Variants in CKAP5 observed in about 807,000 individuals in gnomAD.
The protein encoded by CKAP5 is cytoskeleton-associated protein 5.
Under a neutral mutation model 232.8 loss-of-function variants are expected in CKAP5, and 27 were observed. The ratio of observed to expected loss-of-function variants is 0.12; its 90% CI spans 0.09 to 0.16. CKAP5 has a LOEUF of 0.16. CKAP5 is among the 10% of genes least tolerant of loss of function. The pLI, the probability that CKAP5 is intolerant of heterozygous loss-of-function variation, is 1.00. For missense variants in CKAP5, 1,838 were observed against 2,424.7 expected (o/e 0.76, Z 5.08); for synonymous variants, 785 against 841.1 (o/e 0.93, Z 1.16).
chr11:46,800,903 A>C (rs2048965601), intron 9 of CKAP5, among the ~76,000 whole-genome samples: 2 of 152,220 alleles, frequency 1.3e-5, no homozygotes, highest in South Asian at 4.1e-4. Flanking sequence ...ATAATGTTGT[A>C]AGAACAAAGC....
chr11:46,827,565 T>C (rs1160151468), intron 1 of CKAP5, among the ~76,000 whole-genome samples: 1 of 152,108 alleles, frequency 6.6e-6, no homozygotes, highest in Non-Finnish European at 1.5e-5. Flanking sequence ...TAGGCTGCAG[T>C]GAGCCAGACT....
At chr11:46,755,537 G>C (rs930512336) in intron 35 of CKAP5, among the ~76,000 whole-genome samples, 1 of 151,900 alleles carries the variant, frequency 6.6e-6, no homozygotes, top group Admixed American at 6.6e-5. Flanking sequence ...AGTCCTTAGG[G>C]ATTCAGTCAT....
rs1939429981 is a variant in CKAP5, at chr11:46,817,484, A to G, written c.251+826T>C. Among the ~76,000 whole-genome samples the G allele has an allele frequency of 2.0e-5, 3 of 152,214 alleles. No individual in the cohort carries two copies. The South Asian group carries it at 6.2e-4, about 31-fold the overall frequency. On this transcript the variant is annotated intron_variant, in intron 3 of 43. Coordinates refer to ENST00000529230, the MANE Select transcript of CKAP5 (RefSeq NM_001008938.4). ...GAAGAACTGAGTGGGTTGAGATTAC[A>G]TGCAGCATTTATCAAAAAACCGCTT...
chr11:46,756,324 T>C (rs148081684), intron 35 of CKAP5, among the ~76,000 whole-genome samples: 24 of 152,274 alleles, frequency 1.6e-4, no homozygotes, highest in Non-Finnish European at 2.8e-4. Flanking sequence ...GCCATGCATA[T>C]AATCTTATCT....
Position 46,811,102 on chromosome 11 carries a change from C to G in CKAP5, c.535G>C (p.Ala179Pro), listed in dbSNP as rs376008545. The change falls in exon 5 of 44, where the codon GCT becomes CCT. Residue 179 changes from alanine to proline, a missense_variant. Physicochemically the swap from Ala to Pro is conservative, Grantham distance 27 (BLOSUM62 -1). Coordinates refer to ENST00000529230, the MANE Select transcript of CKAP5 (RefSeq NM_001008938.4). ...LPKLFESREK[A>P]VRDEAKLIAV... ...ATTAGTTTGGCTTCATCTCGAACAG[C>G]CTTCTCTCGAGACTCAAAGAGTTTT... The G allele has an allele frequency of 1.9e-5, 31 of 1,613,876 alleles. No individual in the cohort carries two copies. Among genetic ancestry groups the G allele is most frequent in the Non-Finnish European group, 1.7e-5 (20 of 1,179,908 alleles).
intron 1 of CKAP5, among the ~76,000 whole-genome samples, chr11:46,841,895 G>A (rs905305131): frequency 4.0e-5 from 6 of 151,802 alleles, no homozygotes; most frequent in African/African-American, 1.5e-4. Context: ...CTACTCAGGA[G>A]GCTGAGGCAG....
At position 46,796,444 on chromosome 11, in the gene CKAP5, G is replaced by A. The variant is rs115967968; in HGVS notation, c.1467+368C>T. On this transcript the variant is annotated intron_variant, in intron 12 of 43. Transcript: ENST00000529230. ...CAGATTGGTCACTCAGCTTTTTTTC[G>A]GTTATAATTTGAAAGCTATTTCTAC... Among the ~76,000 whole-genome samples the A allele has an allele frequency of 6.0e-3, 915 of 151,728 alleles. 7 individuals are homozygous for A. Among genetic ancestry groups the A allele is most frequent in the African/African-American group, 0.021 (878 of 41,338 alleles).
chr11:46,788,604 T>C, intron 16 of CKAP5, 77 bp downstream of exon 16: 1 of 865,428 alleles, frequency 1.2e-6, no homozygotes, highest in Non-Finnish European at 1.8e-6. Context: ...CGAAAACTAT[T>C]CTGCTGTATT....
rs765368381 is a variant in CKAP5 at position 46,763,086 on chromosome 11, G to A, written c.3781C>T (p.Leu1261=). The change falls in exon 30 of 44, where the codon CTG becomes TTG. Residue 1261 remains leucine, a synonymous_variant. Transcript: ENST00000529230. The part of the protein sequence containing the change: ...LRFFDTNTSV[L]MKALEYLKLL... ...TTTAAATATTCTAGTGCTTTCATCA[G>A]GACGCTTGTATTGGTGTCAAAAAAC... 1 of 1,613,384 alleles carries A rather than the reference G, an allele frequency of 6.2e-7. No individual in the cohort carries two copies. The highest frequency in any genetic ancestry group is 1.1e-5 in the South Asian group (1 of 91,064).
intron 38 of CKAP5, among the ~76,000 whole-genome samples, chr11:46,752,265 TATACATATATA>T (rs569021348): frequency 1.4e-5 from 2 of 145,520 alleles, no homozygotes; most frequent in East Asian, 4.0e-4. Flanking sequence ...CATATTAAGA[TATACATATATA>T]ATACATATAT....
chr11:46,833,839 T>C (rs963700795), intron 1 of CKAP5, among the ~76,000 whole-genome samples: 1 of 151,984 alleles, frequency 6.6e-6, no homozygotes, highest in Non-Finnish European at 1.5e-5. Flanking sequence ...ACCACAGCTA[T>C]CATTACTATA....
intron 11 of CKAP5, 57 bp from the exon 12 acceptor site, chr11:46,796,997 A>G: frequency 6.3e-7 from 1 of 1,581,844 alleles, no homozygotes; most frequent in Non-Finnish European, 8.6e-7. Flanking sequence ...GGCATTACTC[A>G]TTTTAATTCA....
At chr11:46,812,701 G>A (rs61897308) in intron 4 of CKAP5, among the ~76,000 whole-genome samples, 9,206 of 152,044 alleles carry the variant, frequency 0.061, 363 homozygotes, top group Non-Finnish European at 0.09. Context: ...GCAGTGGTAT[G>A]ATCACAGCTC....
intron 23 of CKAP5, among the ~76,000 whole-genome samples, chr11:46,776,752 A>G (rs181184546): frequency 1.1e-4 from 16 of 152,282 alleles, no homozygotes; most frequent in Non-Finnish European, 2.4e-4. Flanking sequence ...AAGACATCAT[A>G]ATGGTTAAGA....
chr11:46,823,980 G>T (rs2134695734), intron 1 of CKAP5, among the ~76,000 whole-genome samples: 1 of 152,206 alleles, frequency 6.6e-6, no homozygotes, highest in African/African-American at 2.4e-5. Flanking sequence ...AATCAGGCAT[G>T]GTGCAAAGTA....
intron 27 of CKAP5, among the ~76,000 whole-genome samples, chr11:46,766,553 CTG>C (rs2065204175): frequency 1.3e-5 from 2 of 152,140 alleles, no homozygotes. Context: ...AATACATGTA[CTG>C]GTTAAAAAAC....
At chr11:46,831,903 T>G (rs1344618418) in intron 1 of CKAP5, among the ~76,000 whole-genome samples, 1 of 151,252 alleles carries the variant, frequency 6.6e-6, no homozygotes, top group Non-Finnish European at 1.5e-5. Context: ...CTTGCTTTGT[T>G]ACTGAGGCTG....
chr11:46,796,726 G>A (rs1388582939), intron 12 of CKAP5, 86 bp downstream of exon 12: 12 of 1,456,594 alleles, frequency 8.2e-6, no homozygotes, highest in Non-Finnish European at 1.0e-5. Context: ...AAAACTACCA[G>A]TACTCTATAA....
chr11:46,803,413 C>T (rs1939082310), intron 8 of CKAP5, among the ~76,000 whole-genome samples: 1 of 151,930 alleles, frequency 6.6e-6, no homozygotes, highest in Non-Finnish European at 1.5e-5. Context: ...GGACTAAAGG[C>T]ACATGCTACC....
Sources: gnomAD v4.1 joint callset for allele counts (sites outside exome capture counted in the v4.1 genomes callset) on GRCh38, gnomAD v4.1.1 for gene constraint, MANE v1.5 for transcripts, NCBI Gene and HGNC (gene_info 2026-07-23, HGNC 2026-07-21) for gene names.